DNAH6: variants seen among roughly 807,000 people sequenced by gnomAD.
DNAH6 encodes the protein dynein axonemal heavy chain 6, also known as axonemal beta dynein heavy chain 6.
A neutral mutation model predicts 491.4 loss-of-function variants in DNAH6; 340 were observed. The observed-to-expected ratio is 0.69, with a 90% CI of 0.63 to 0.76. The LOEUF is 0.76. DNAH6 is among the 30% of genes least tolerant of loss of function. DNAH6 has a pLI of 0.00. For synonymous variants in DNAH6, 1,603 were observed against 1,686.1 expected (o/e 0.95, Z 1.21); for missense variants, 4,443 against 4,972.2 (o/e 0.89, Z 3.20).
At chr2:84,683,412 ATTTTT>A (rs61217837) in intron 42 of DNAH6, among the ~76,000 whole-genome samples, 1,757 of 93,800 alleles carry the variant, frequency 0.019, 28 homozygotes, top group African/African-American at 0.068. Flanking sequence ...CACCACTCTT[ATTTTT>A]TTTTTTTTTT....
intron 4 of DNAH6, among the ~76,000 whole-genome samples, chr2:84,539,616 T>C (rs1245135528): frequency 1.3e-5 from 2 of 152,098 alleles, no homozygotes; most frequent in African/African-American, 2.4e-5. Context: ...AAAGACTTGC[T>C]AAAACACAGA....
chr2:84,708,883 G>A (rs371144708), intron 54 of DNAH6, among the ~76,000 whole-genome samples: 5 of 152,060 alleles, frequency 3.3e-5, no homozygotes, highest in African/African-American at 7.2e-5. Flanking sequence ...TGTGCTTTTT[G>A]GGGACAGACA....
chr2:84,548,512 A>G, intron 8 of DNAH6, 95 bp downstream of exon 8: 1 of 1,376,136 alleles, frequency 7.3e-7, no homozygotes, highest in Non-Finnish European at 1.0e-6. Flanking sequence ...GTTAATTTGC[A>G]TAACTGAAGT....
intron 62 of DNAH6, among the ~76,000 whole-genome samples, chr2:84,735,917 G>A (rs1699501946): frequency 6.6e-6 from 1 of 151,956 alleles, no homozygotes; most frequent in Admixed American, 6.6e-5. Flanking sequence ...ATTTGCTTTT[G>A]GACTCTTCAT....
chr2:84,634,099 G>C (rs1467955918), intron 29 of DNAH6, among the ~76,000 whole-genome samples: 1 of 152,156 alleles, frequency 6.6e-6, no homozygotes, highest in Non-Finnish European at 1.5e-5. Context: ...TAGTCCTTGT[G>C]TGTGTCTGCC....
rs757336353 is a variant in DNAH6, at chr2:84,727,741, C to CA, written c.10048dup (p.Thr3350AsnfsTer15). 20 of 1,551,602 alleles carry CA rather than the reference C, an allele frequency of 1.3e-5. No individual in the cohort carries two copies. Among genetic ancestry groups the CA allele is most frequent in the Non-Finnish European group, 1.7e-5 (19 of 1,146,882 alleles). ...ACAGCGCCTGGACGTACTACTAGAA[C>CA]AAACTCTCCTAACTGCTTATGTCAA... is the stretch of plus-strand genomic sequence containing the variant. On this transcript the variant is annotated frameshift_variant, in exon 61 of 77. Coordinates refer to ENST00000389394, the MANE Select transcript of DNAH6 (RefSeq NM_001370.2). LOFTEE classifies it high-confidence loss of function.
Position 84,595,714 on chromosome 2 carries a change from T to C in DNAH6, c.2793T>C (p.Thr931=). ...GQVSKYAKFV[T]QLEKGLPPNS... ...TTTCTAAATATGCTAAATTTGTGAC[T>C]CAACTGGAAAAAGGCTTGCCACCCA... The change falls in exon 18 of 77, where the codon ACT becomes ACC. Residue 931 remains threonine, a synonymous_variant. Transcript: ENST00000389394. 6.4e-7 allele frequency: 1 copy of C among 1,551,410 alleles called. No individual in the cohort carries two copies. The highest frequency in any genetic ancestry group is 2.4e-5 in the East Asian group (1 of 40,912).
intron 7 of DNAH6, among the ~76,000 whole-genome samples, chr2:84,547,942 G>T (rs893985633): frequency 6.6e-6 from 1 of 152,038 alleles, no homozygotes; most frequent in Non-Finnish European, 1.5e-5. Context: ...TAAAATTAAG[G>T]AACTGGATTG....
chr2:84,765,922 C>G (rs13390591), intron 64 of DNAH6, among the ~76,000 whole-genome samples: 16,010 of 152,000 alleles, frequency 0.11, 875 homozygotes, highest in Non-Finnish European at 0.11. Flanking sequence ...AGTAACAGTT[C>G]CAATGTATAT....
intron 72 of DNAH6, among the ~76,000 whole-genome samples, chr2:84,811,723 T>C (rs1679994776): frequency 6.6e-6 from 1 of 152,038 alleles, no homozygotes; most frequent in Admixed American, 6.5e-5. Context: ...TATCTGGGCA[T>C]GGTGGCACAT....
chr2:84,747,324 G>A (rs189886530), intron 63 of DNAH6, among the ~76,000 whole-genome samples: 3 of 152,284 alleles, frequency 2.0e-5, no homozygotes, highest in Admixed American at 6.5e-5. Flanking sequence ...CACAATGATG[G>A]TTTGGGCATT....
At chr2:84,670,523 TAATA>T in intron 39 of DNAH6, 48 bp downstream of exon 39, 1 of 1,268,372 alleles carries the variant, frequency 7.9e-7, no homozygotes, top group Non-Finnish European at 1.1e-6. Context: ...TTCATTAAGC[TAATA>T]AATGACATAA....
intron 63 of DNAH6, among the ~76,000 whole-genome samples, chr2:84,758,743 C>A (rs1241750554): frequency 1.3e-5 from 2 of 152,132 alleles, no homozygotes; most frequent in African/African-American, 4.8e-5. Flanking sequence ...ATTCAGCACC[C>A]CTTCATGATA....
At chr2:84,594,974 A>G (rs1481015855) in intron 17 of DNAH6, among the ~76,000 whole-genome samples, 1 of 152,226 alleles carries the variant, frequency 6.6e-6, no homozygotes, top group Admixed American at 6.5e-5. Flanking sequence ...CAGAAGTAAG[A>G]AAATATTCTT....
At chr2:84,683,804 C>A (rs564835358) in intron 42 of DNAH6, among the ~76,000 whole-genome samples, 40 of 152,192 alleles carry the variant, frequency 2.6e-4, no homozygotes, top group Non-Finnish European at 4.9e-4. Flanking sequence ...AAAGTAGAAG[C>A]TGTGGAGTGC....
chr2:84,680,358 C>T lies in DNAH6; in HGVS notation c.6745-999C>T, dbSNP rs1380617732. ...AAAACAATAATGATTTTTCCAAGCA[C>T]TTGCGGGTCAAGGACTAGCTAATAA... On this transcript the variant is annotated intron_variant, in intron 41 of 76. Coordinates refer to ENST00000389394, the MANE Select transcript of DNAH6 (RefSeq NM_001370.2). Among the ~76,000 whole-genome samples, 31 of 152,130 alleles carry T rather than the reference C, an allele frequency of 2.0e-4. 1 individual carries two copies. Among genetic ancestry groups the T allele is most frequent in the Admixed American group, 2.0e-3 (31 of 15,264 alleles).
intron 32 of DNAH6, 116 bp from the exon 33 acceptor site, chr2:84,641,831 C>T: frequency 1.3e-6 from 1 of 768,592 alleles, no homozygotes; most frequent in South Asian, 1.8e-5. Flanking sequence ...GGAAAATGAT[C>T]TTCTCCTTCT....
chr2:84,723,325 G>C (rs1463630324), intron 60 of DNAH6, among the ~76,000 whole-genome samples: 1 of 151,924 alleles, frequency 6.6e-6, no homozygotes, highest in Non-Finnish European at 1.5e-5. Flanking sequence ...TATATAAAAG[G>C]TATATATAAA....
At chr2:84,619,633 T>C (rs1217751654) in intron 23 of DNAH6, 52 bp from the exon 24 acceptor site, 2 of 1,481,752 alleles carry the variant, frequency 1.3e-6, no homozygotes, top group Non-Finnish European at 9.2e-7. Flanking sequence ...TATGTCTGTC[T>C]AAGACTTTAC....
Sources: gnomAD v4.1 joint callset for allele counts (sites outside exome capture counted in the v4.1 genomes callset) on GRCh38, gnomAD v4.1.1 for gene constraint, MANE v1.5 for transcripts, NCBI Gene and HGNC (gene_info 2026-07-23, HGNC 2026-07-21) for gene names.